THSD7A: variants seen among roughly 807,000 people sequenced by gnomAD.
THSD7A encodes the protein thrombospondin type-1 domain-containing protein 7A.
In THSD7A, 96 loss-of-function variants were observed where a neutral mutation model predicts 231.3. That is an observed-to-expected ratio of 0.41 (90% confidence interval 0.35 to 0.49). The LOEUF is 0.49. THSD7A is among the 20% of genes least tolerant of loss of function. THSD7A has a pLI of 0.05. For synonymous variants in THSD7A, 940 were observed against 743.3 expected (o/e 1.26, Z -4.30); for missense variants, 2,290 against 2,070.2 (o/e 1.11, Z -2.06).
intron 1 of THSD7A, among the ~76,000 whole-genome samples, chr7:11,795,205 A>C (rs962122424): frequency 1.3e-5 from 2 of 152,032 alleles, no homozygotes; most frequent in Non-Finnish European, 2.9e-5. Flanking sequence ...TTAGCATCCC[A>C]AAATTAAAAA....
At chr7:11,437,073 A>G (rs1784656413) in intron 13 of THSD7A, among the ~76,000 whole-genome samples, 1 of 152,150 alleles carries the variant, frequency 6.6e-6, no homozygotes, top group Non-Finnish European at 1.5e-5. Flanking sequence ...TTATTCCTAA[A>G]AAACTGAAGG....
intron 4 of THSD7A, among the ~76,000 whole-genome samples, chr7:11,558,668 C>G (rs1463669511): frequency 6.6e-6 from 1 of 152,032 alleles, no homozygotes; most frequent in Non-Finnish European, 1.5e-5. Flanking sequence ...GATCACAAAA[C>G]TAGGGTCTAA....
intron 1 of THSD7A, among the ~76,000 whole-genome samples, chr7:11,641,612 G>A (rs931889773): frequency 2.0e-5 from 3 of 151,830 alleles, no homozygotes; most frequent in Non-Finnish European, 4.4e-5. Flanking sequence ...TATTTACATT[G>A]AGAACCAGCA....
chr7:11,802,840 A>G (rs891946457), intron 1 of THSD7A, among the ~76,000 whole-genome samples: 2 of 152,150 alleles, frequency 1.3e-5, no homozygotes, highest in African/African-American at 4.8e-5. Context: ...TCTGCATCCT[A>G]AAATGTGTGA....
At chr7:11,418,044 G>C (rs77607954) in intron 16 of THSD7A, among the ~76,000 whole-genome samples, 1,910 of 152,268 alleles carry the variant, frequency 0.013, 28 homozygotes, top group Non-Finnish European at 0.018. Context: ...TCATAGAGAA[G>C]GTAGAGTTAG....
chr7:11,695,530 A>T (rs952256396), intron 1 of THSD7A, among the ~76,000 whole-genome samples: 1 of 151,564 alleles, frequency 6.6e-6, no homozygotes, highest in African/African-American at 2.4e-5. Flanking sequence ...TGAGTATCTA[A>T]TCTGTCTTGA....
rs765080637 is a variant in THSD7A, at chr7:11,417,459, T to C, written c.3528A>G (p.Gln1176=). Residue 1176 remains glutamine, a synonymous_variant, in exon 17 of 28, where the codon CAA becomes CAG. Transcript: ENST00000423059. ...CVISEWGPWT[Q]CVLPCNQSSF... ...AGGTTAATCATCTCACCAAAACACA[T>C]TGGGTCCATGGACCCCATTCAGATA... The C allele has an allele frequency of 7.5e-5, 120 of 1,597,128 alleles. No homozygotes were observed. The highest frequency in any genetic ancestry group is 1.0e-4 in the South Asian group (9 of 87,240).
At chr7:11,437,169 A>G (rs1013433689) in intron 13 of THSD7A, among the ~76,000 whole-genome samples, 3 of 152,094 alleles carry the variant, frequency 2.0e-5, no homozygotes, top group African/African-American at 4.8e-5. Flanking sequence ...TTTGAAAACC[A>G]TGATATGAAG....
chr7:11,581,979 T>TA (rs1398846290), intron 4 of THSD7A, among the ~76,000 whole-genome samples: 2 of 152,108 alleles, frequency 1.3e-5, no homozygotes, highest in African/African-American at 4.8e-5. Flanking sequence ...TTGGTCACTG[T>TA]AAACATTTGT....
At chr7:11,460,638 G>C in intron 11 of THSD7A, 24 bp downstream of exon 11, 2 of 1,573,144 alleles carry the variant, frequency 1.3e-6, no homozygotes, top group Non-Finnish European at 1.7e-6. Context: ...CTGGAGAAAT[G>C]AACTGTGGAA....
chr7:11,405,120 A>C (rs192737089), intron 22 of THSD7A, among the ~76,000 whole-genome samples: 1 of 150,216 alleles, frequency 6.7e-6, no homozygotes, highest in East Asian at 2.0e-4. Context: ...TTCATCTTAA[A>C]CTATACCCTA....
chr7:11,516,793 G>C (rs1788048310), intron 6 of THSD7A, among the ~76,000 whole-genome samples: 1 of 152,072 alleles, frequency 6.6e-6, no homozygotes, highest in Non-Finnish European at 1.5e-5. Context: ...GAGGCACCAG[G>C]TGTATTAAAT....
intron 4 of THSD7A, among the ~76,000 whole-genome samples, chr7:11,567,074 A>C (rs1790374141): frequency 6.6e-6 from 1 of 151,296 alleles, no homozygotes; most frequent in South Asian, 2.1e-4. Flanking sequence ...TAACTTACTA[A>C]GTAAAAGCTA....
Position 11,442,583 on chromosome 7 carries a change from T to C in THSD7A, c.3064+3478A>G, listed in dbSNP as rs76469050. Among the ~76,000 whole-genome samples, 895 of 152,162 alleles carry C rather than the reference T, an allele frequency of 5.9e-3. 1 individual carries two copies. The highest frequency in any genetic ancestry group is 0.02 in the Middle Eastern group (6 of 294). ...TTTGGCTGAAAGAAAGAAGTTGTCA[T>C]AGAGATTATAATTAGGGGATGACTG... On this transcript the variant is annotated intron_variant, in intron 13 of 27. Coordinates refer to ENST00000423059, the MANE Select transcript of THSD7A (RefSeq NM_015204.3).
At chr7:11,721,455 C>T (rs1230786827) in intron 1 of THSD7A, among the ~76,000 whole-genome samples, 1 of 151,830 alleles carries the variant, frequency 6.6e-6, no homozygotes, top group African/African-American at 2.4e-5. Context: ...TGCCCCTTTG[C>T]CTTCTGCCAT....
chr7:11,548,438 G>A (rs187044731), intron 4 of THSD7A, among the ~76,000 whole-genome samples: 2 of 152,160 alleles, frequency 1.3e-5, no homozygotes, highest in African/African-American at 4.8e-5. Flanking sequence ...TATATATAAA[G>A]AAGAGCTAGT....
intron 1 of THSD7A, among the ~76,000 whole-genome samples, chr7:11,678,775 A>C (rs924651501): frequency 6.6e-6 from 1 of 152,176 alleles, no homozygotes; most frequent in Non-Finnish European, 1.5e-5. Flanking sequence ...AGGTACAAAG[A>C]GGAGCTGGTA....
chr7:11,599,116 G>A (rs1310419615), intron 2 of THSD7A, among the ~76,000 whole-genome samples: 2 of 152,102 alleles, frequency 1.3e-5, no homozygotes, highest in African/African-American at 4.8e-5. Context: ...AAGGTCAATA[G>A]GAAGGAAAGT....
At chr7:11,436,584 G>C (rs1562607783) in intron 13 of THSD7A, among the ~76,000 whole-genome samples, 1 of 151,848 alleles carries the variant, frequency 6.6e-6, no homozygotes. Context: ...CATTTCACTG[G>C]ACTAGAGAAA....
Sources: gnomAD v4.1 joint callset for allele counts (sites outside exome capture counted in the v4.1 genomes callset) on GRCh38, gnomAD v4.1.1 for gene constraint, MANE v1.5 for transcripts, NCBI Gene and HGNC (gene_info 2026-07-23, HGNC 2026-07-21) for gene names.